Variants in BICRA observed in about 807,000 individuals in gnomAD.
BICRA encodes BRD4 interacting chromatin remodeling complex associated protein, also known as BRD4-interacting chromatin-remodeling complex-associated protein.
Under a neutral mutation model 96.9 loss-of-function variants are expected in BICRA, and 31 were observed. The observed-to-expected ratio is 0.32, with a 90% CI of 0.24 to 0.43. The LOEUF is 0.43. Ranked by LOEUF, BICRA falls within the 20% of genes least tolerant of loss-of-function variation. The pLI is 1.00. For synonymous variants in BICRA, 1,350 were observed against 1,071.8 expected (o/e 1.26, Z -5.07); for missense variants, 2,283 against 2,190.3 (o/e 1.04, Z -0.84).
intron 7 of BICRA, among the ~76,000 whole-genome samples, chr19:47,685,499 C>T (rs1033854153): frequency 2.6e-5 from 4 of 152,038 alleles, no homozygotes; most frequent in Admixed American, 1.3e-4. Context: ...AATAGACGGA[C>T]GGATGGATGG....
chr19:47,647,173 G>A (rs1418902137), intron 1 of BICRA, among the ~76,000 whole-genome samples: 1 of 151,870 alleles, frequency 6.6e-6, no homozygotes, highest in Non-Finnish European at 1.5e-5. Flanking sequence ...GCCACATTTT[G>A]TTTATCCGTT....
At chr19:47,691,290 G>T (rs2974187) in intron 7 of BICRA, among the ~76,000 whole-genome samples, 29,796 of 152,226 alleles carry the variant, frequency 0.2, 3,057 homozygotes, top group Middle Eastern at 0.25. Flanking sequence ...CTCAGGATGG[G>T]AGCCGCAGGC....
At chr19:47,609,880 T>C (rs1971872221) in intron 1 of BICRA, among the ~76,000 whole-genome samples, 9 of 151,630 alleles carry the variant, frequency 5.9e-5, no homozygotes, top group Admixed American at 5.9e-4. Context: ...AGGAGTTGAC[T>C]TGACCCCCAG....
At chr19:47,631,282 C>G (rs2123522915) in intron 1 of BICRA, among the ~76,000 whole-genome samples, 1 of 152,172 alleles carries the variant, frequency 6.6e-6, no homozygotes, top group East Asian at 1.9e-4. Context: ...GGCTGGAGTG[C>G]AGTGGCGCAA....
At chr19:47,614,808 G>A (rs1053107550) in intron 1 of BICRA, among the ~76,000 whole-genome samples, 2 of 152,074 alleles carry the variant, frequency 1.3e-5, no homozygotes, top group African/African-American at 2.4e-5. Flanking sequence ...TGTTATGGAC[G>A]TGGAGGTGTT....
intron 1 of BICRA, among the ~76,000 whole-genome samples, chr19:47,654,854 C>A (rs933523412): frequency 6.6e-6 from 1 of 151,512 alleles, no homozygotes; most frequent in East Asian, 1.9e-4. Context: ...TAATTTTGGT[C>A]GTGTCAATGG....
intron 1 of BICRA, among the ~76,000 whole-genome samples, chr19:47,660,763 G>C (rs1256147368): frequency 6.6e-6 from 1 of 152,182 alleles, no homozygotes; most frequent in East Asian, 1.9e-4. Context: ...TAGTTCCCAC[G>C]GGCTTAGGAG....
chr19:47,686,830 G>A lies in BICRA; in HGVS notation c.2283+4678G>A, dbSNP rs937446657. Among the ~76,000 whole-genome samples the A allele has an allele frequency of 3.3e-5, 5 of 152,290 alleles. No homozygotes were observed. In the East Asian group the frequency reaches 7.7e-4, roughly 24 times the overall value. On this transcript the variant is annotated intron_variant, in intron 7 of 14. Coordinates refer to ENST00000594866, the MANE Select transcript of BICRA (RefSeq NM_001394372.1). ...GAAGATTGCTGTGATGTGGGAGTTA[G>A]GAAATAGGACTTGGCCACTTACAGG... is the stretch of plus-strand genomic sequence containing the variant.
intron 7 of BICRA, among the ~76,000 whole-genome samples, chr19:47,684,257 G>A (rs531230270): frequency 2.0e-5 from 3 of 152,058 alleles, no homozygotes; most frequent in Non-Finnish European, 4.4e-5. Flanking sequence ...ATCTCGGCTC[G>A]CTGCAATCTC....
intron 1 of BICRA, among the ~76,000 whole-genome samples, chr19:47,612,953 G>T (rs1157671511): frequency 6.6e-6 from 1 of 152,172 alleles, no homozygotes; most frequent in Non-Finnish European, 1.5e-5. Flanking sequence ...AAGAATTCTC[G>T]GGGGAGGTGG....
chr19:47,643,521 G>A (rs1484336190), intron 1 of BICRA, among the ~76,000 whole-genome samples: 2 of 152,044 alleles, frequency 1.3e-5, no homozygotes, highest in Admixed American at 6.6e-5. Context: ...GGCTGCTCAC[G>A]GTGCTGTCCC....
At chr19:47,631,074 T>C (rs1331072008) in intron 1 of BICRA, among the ~76,000 whole-genome samples, 1 of 152,174 alleles carries the variant, frequency 6.6e-6, no homozygotes, top group East Asian at 1.9e-4. Context: ...TTTGGGGTTT[T>C]TTTTGAGACA....
Position 47,698,901 on chromosome 19 carries a change from C to G in BICRA, c.3398-64C>G. The G allele has an allele frequency of 7.2e-7, 1 of 1,390,244 alleles. No homozygotes were observed. Among genetic ancestry groups the G allele is most frequent in the Non-Finnish European group, 1.0e-6 (1 of 999,248 alleles). The allele number at this position is 1,390,244 out of a possible 1,614,324, so 86.1% of individuals were successfully genotyped here. A position where few individuals can be genotyped will look rare whatever the true frequency, so the allele number is the denominator to read the frequency against. On this transcript the variant is annotated intron_variant, in intron 12 of 14. Transcript: ENST00000594866. This position sits in a 1 kb window ranked among gnomAD's most constrained non-coding sequence, Gnocchi z 4.8. ...CGCTATGCTGACCCTGCCCCGCCCT[C>G]CTTCCTGCGCATCCGCGGCCGCCCC... is the stretch of plus-strand genomic sequence containing the variant.
chr19:47,691,192 C>G (rs1460983736), intron 7 of BICRA, among the ~76,000 whole-genome samples: 1 of 152,242 alleles, frequency 6.6e-6, no homozygotes, highest in East Asian at 1.9e-4. Flanking sequence ...TCAATTGCTT[C>G]CTCAGTGGGC....
intron 1 of BICRA, among the ~76,000 whole-genome samples, chr19:47,618,672 C>T (rs996086313): frequency 2.6e-5 from 4 of 152,200 alleles, no homozygotes; most frequent in East Asian, 3.9e-4. Flanking sequence ...CCAACTTCAG[C>T]GTGGCCCCTC....
At chr19:47,654,239 G>A (rs990050602) in intron 1 of BICRA, among the ~76,000 whole-genome samples, 1 of 152,132 alleles carries the variant, frequency 6.6e-6, no homozygotes, top group African/African-American at 2.4e-5. Context: ...TAATGGATGC[G>A]AAATGGTATC....
chr19:47,657,529 T>C (rs1972637416), intron 1 of BICRA, among the ~76,000 whole-genome samples: 1 of 152,010 alleles, frequency 6.6e-6, no homozygotes. Flanking sequence ...CCCAAGTAGC[T>C]GGGACTACAG....
chr19:47,661,634 A>C (rs1245367289), intron 1 of BICRA: 1 of 147,976 alleles, frequency 6.8e-6, no homozygotes, highest in Admixed American at 6.9e-5. Context: ...AGATGTCAAT[A>C]AGCCAAATGT....
At chr19:47,655,493 C>G (rs1178639371) in intron 1 of BICRA, among the ~76,000 whole-genome samples, 2 of 143,530 alleles carry the variant, frequency 1.4e-5, no homozygotes, top group African/African-American at 5.3e-5. Flanking sequence ...CCACTGTACT[C>G]CAGCCTGGGC....
Sources: allele counts gnomAD v4.1 joint callset (sites outside exome capture counted in the v4.1 genomes callset), GRCh38; gene constraint gnomAD v4.1.1; non-coding constraint Gnocchi (gnomAD v3.1); transcripts MANE v1.5; gene names NCBI Gene and HGNC (gene_info 2026-07-23, HGNC 2026-07-21).